ADAMTSL3: variants seen among roughly 807,000 people sequenced by gnomAD.
The protein encoded by ADAMTSL3 is ADAMTS-like protein 3.
A neutral mutation model predicts 201.7 loss-of-function variants in ADAMTSL3; 128 were observed. That is an observed-to-expected ratio of 0.63 (90% CI 0.55 to 0.73). The LOEUF (loss-of-function observed/expected upper bound fraction) is 0.73. ADAMTSL3 is among the 30% of genes least tolerant of loss of function. The probability of loss-of-function intolerance (pLI) is 0.00; values close to 1 mark genes in which losing one functional copy is unlikely to be tolerated. For synonymous variants in ADAMTSL3, 738 were observed against 748.4 expected, an observed-to-expected ratio of 0.99 and a Z score of 0.23; for missense variants, 1,990 against 2,119.6, an observed-to-expected ratio of 0.94 and a Z score of 1.20.
chr15:83,757,119 G>T (rs2062734374), intron 3 of ADAMTSL3, among the ~76,000 whole-genome samples: 1 of 152,238 alleles, frequency 6.6e-6, no homozygotes, highest in African/African-American at 2.4e-5. Flanking sequence ...TCTGGAAGAA[G>T]GTGGCCCTCT....
intron 4 of ADAMTSL3, among the ~76,000 whole-genome samples, chr15:83,802,416 A>G (rs1323426223): frequency 6.6e-6 from 1 of 152,244 alleles, no homozygotes; most frequent in East Asian, 1.9e-4. Flanking sequence ...GTGAATGTTT[A>G]TAGCATTTTT....
chr15:83,714,754 C>CCTAG (rs113400955), intron 3 of ADAMTSL3, among the ~76,000 whole-genome samples: 1 of 117,402 alleles, frequency 8.5e-6, no homozygotes, highest in Non-Finnish European at 1.9e-5. Context: ...TTCCTTCCTT[C>CCTAG]CCTTTTCTCT....
At chr15:83,662,340 G>T (rs995627791) in intron 2 of ADAMTSL3, among the ~76,000 whole-genome samples, 5 of 140,212 alleles carry the variant, frequency 3.6e-5, no homozygotes, top group African/African-American at 1.3e-4. Flanking sequence ...ACCAAACACC[G>T]CATATTCTCA....
intron 3 of ADAMTSL3, among the ~76,000 whole-genome samples, chr15:83,742,057 G>A (rs2062464884): frequency 6.6e-6 from 1 of 151,880 alleles, no homozygotes; most frequent in African/African-American, 2.4e-5. Context: ...AAAAACCCTT[G>A]GGAAAGTTCG....
chr15:83,864,991 C>A (rs2064944522), intron 8 of ADAMTSL3, among the ~76,000 whole-genome samples: 1 of 152,260 alleles, frequency 6.6e-6, no homozygotes, highest in East Asian at 1.9e-4. Context: ...AGAGCCAAAT[C>A]ATGAGTGAAC....
chr15:83,756,639 A>G (rs2062725120), intron 3 of ADAMTSL3, among the ~76,000 whole-genome samples: 1 of 151,116 alleles, frequency 6.6e-6, no homozygotes, highest in African/African-American at 2.4e-5. Context: ...TTCAAAATCA[A>G]TCGTGCCTTC....
chr15:83,781,509 C>G (rs2063167504), intron 4 of ADAMTSL3, among the ~76,000 whole-genome samples: 1 of 152,054 alleles, frequency 6.6e-6, no homozygotes, highest in African/African-American at 2.4e-5. Flanking sequence ...TATACAAACC[C>G]TGGAAGACGA....
intron 10 of ADAMTSL3, among the ~76,000 whole-genome samples, chr15:83,887,129 A>G (rs2065409304): frequency 6.6e-6 from 1 of 152,190 alleles, no homozygotes; most frequent in African/African-American, 2.4e-5. Context: ...CTACTGAGTC[A>G]GAAACCCCAG....
intron 21 of ADAMTSL3, among the ~76,000 whole-genome samples, chr15:83,987,403 A>G (rs1358635607): frequency 1.3e-5 from 2 of 152,250 alleles, no homozygotes; most frequent in South Asian, 4.1e-4. Flanking sequence ...AGAACTTGCT[A>G]TATAAAAGTC....
At chr15:83,814,603 A>G (rs764227005) in intron 5 of ADAMTSL3, among the ~76,000 whole-genome samples, 1 of 152,208 alleles carries the variant, frequency 6.6e-6, no homozygotes, top group Non-Finnish European at 1.5e-5. Flanking sequence ...TGCCAACTCT[A>G]GCTTACAGTG....
intron 5 of ADAMTSL3, among the ~76,000 whole-genome samples, chr15:83,809,263 T>C (rs1252198611): frequency 6.6e-6 from 1 of 152,144 alleles, no homozygotes; most frequent in African/African-American, 2.4e-5. Flanking sequence ...ATATGTGCAA[T>C]TTGTGGAGCC....
Position 83,819,925 on chromosome 15 carries a change from C to A in ADAMTSL3, c.478C>A (p.Pro160Thr), listed in dbSNP as rs1283473993. Residue 160 changes from proline (P) to threonine (T), a missense_variant, in exon 6 of 30, where the codon CCG (proline) becomes ACG (threonine). By Grantham distance (38) the Pro-to-Thr change is conservative. Coordinates refer to ENST00000286744, the MANE Select transcript of ADAMTSL3 (RefSeq NM_207517.3). ...TCCACGATATAATGATCCTGCTGCCCCGTGTGCACTCAAGTGTCATGCACA... is the reference window on the plus strand; with the variant it reads ...TCCACGATATAATGATCCTGCTGCCACGTGTGCACTCAAGTGTCATGCACA... ...WLPRYNDPAAPCALKCHAQGQ... is the reference protein window; with the variant it reads ...WLPRYNDPAATCALKCHAQGQ... 1 of 1,614,046 alleles carries A rather than the reference C, an allele frequency of 6.2e-7. No individual in the cohort carries two copies. The highest frequency in any genetic ancestry group is 1.7e-5 in the Admixed American group (1 of 60,006).
At chr15:84,026,808 A>T (rs1456539539) in intron 27 of ADAMTSL3, among the ~76,000 whole-genome samples, 2 of 152,206 alleles carry the variant, frequency 1.3e-5, no homozygotes, top group Non-Finnish European at 2.9e-5. Context: ...TAAGAGCTCA[A>T]TATATAAAAC....
chr15:83,847,116 CAG>C (rs1278159792), intron 7 of ADAMTSL3, among the ~76,000 whole-genome samples: 1 of 152,218 alleles, frequency 6.6e-6, no homozygotes, highest in Non-Finnish European at 1.5e-5. Context: ...ATTGAGCAAT[CAG>C]AGACTTTAGT....
intron 14 of ADAMTSL3, among the ~76,000 whole-genome samples, chr15:83,899,011 G>A (rs2065672273): frequency 1.3e-5 from 2 of 152,054 alleles, no homozygotes; most frequent in African/African-American, 4.8e-5. Flanking sequence ...CACTTTCATT[G>A]TGTCCATAGT....
intron 3 of ADAMTSL3, among the ~76,000 whole-genome samples, chr15:83,734,632 T>C (rs1344100091): frequency 6.6e-6 from 1 of 151,722 alleles, no homozygotes; most frequent in African/African-American, 2.4e-5. Context: ...GGTGTAGCCA[T>C]TTCTGGGAGG....
chr15:83,957,166 C>G (rs1166243125), intron 19 of ADAMTSL3, among the ~76,000 whole-genome samples: 1 of 152,102 alleles, frequency 6.6e-6, no homozygotes, highest in Non-Finnish European at 1.5e-5. Context: ...GGAAATGAGA[C>G]AGAGGGGTGT....
intron 3 of ADAMTSL3, among the ~76,000 whole-genome samples, chr15:83,756,489 C>G (rs1418807250): frequency 6.6e-6 from 1 of 152,086 alleles, no homozygotes; most frequent in Non-Finnish European, 1.5e-5. Flanking sequence ...AAGACTCGCC[C>G]TCATGATTAA....
At chr15:83,988,887 A>ATTT in intron 22 of ADAMTSL3, 69 bp downstream of exon 22, 4 of 809,900 alleles carry the variant, frequency 4.9e-6, no homozygotes, top group Non-Finnish European at 4.7e-6. Flanking sequence ...TTATTTATTT[A>ATTT]TTTTTTTTTT....
Sources: gnomAD v4.1 joint callset for allele counts (sites outside exome capture counted in the v4.1 genomes callset) on GRCh38, gnomAD v4.1.1 for gene constraint, MANE v1.5 for transcripts, NCBI Gene and HGNC (gene_info 2026-07-23, HGNC 2026-07-21) for gene names.